Variants in KAT6B observed in about 807,000 individuals in gnomAD.
KAT6B encodes lysine acetyltransferase 6B, also known as histone acetyltransferase KAT6B.
In KAT6B, 10 loss-of-function variants were observed where a neutral mutation model predicts 187.5. That is an observed-to-expected ratio of 0.05 (90% CI 0.03 to 0.09). KAT6B has a LOEUF of 0.09. Among genes scored for constraint, KAT6B ranks in the 10% least tolerant of loss-of-function variants. The probability of loss-of-function intolerance (pLI) is 1.00; values close to 1 mark genes in which losing one functional copy is unlikely to be tolerated. For synonymous variants in KAT6B, 861 were observed against 926.8 expected (o/e 0.93, Z 1.29); for missense variants, 1,952 against 2,558.9 (o/e 0.76, Z 5.12).
chr10:75,029,972 G>A lies in KAT6B; in HGVS notation c.5148G>A (p.Gln1716=), dbSNP rs764369916. 6.2e-7 allele frequency: 1 copy of A among 1,614,056 alleles called. No individual in the cohort carries two copies. The highest frequency in any genetic ancestry group is 8.5e-7 in the Non-Finnish European group (1 of 1,180,042). Residue 1716 remains glutamine, a synonymous_variant, in exon 18 of 18, where the codon CAG becomes CAA. Coordinates refer to ENST00000287239, the MANE Select transcript of KAT6B (RefSeq NM_012330.4). The surrounding 1 kb of genome is among the most constrained non-coding windows in gnomAD (Gnocchi z 6.2). Reference sequence around the variant, plus strand: ...ACCTCACCTCCAGCAGTCTGACACAGAGCAGCTGTGCTGTCACCCAGCAGA... The same window carrying A: ...ACCTCACCTCCAGCAGTCTGACACAAAGCAGCTGTGCTGTCACCCAGCAGA... The part of the protein sequence containing the change: ...YSNLTSSSLT[Q]SSCAVTQQMS...
chr10:74,892,822 G>A (rs968753321), intron 3 of KAT6B, among the ~76,000 whole-genome samples: 2 of 152,194 alleles, frequency 1.3e-5, no homozygotes, highest in Non-Finnish European at 2.9e-5. Context: ...AGTGAGTGTG[G>A]TGTGGCTTTC....
intron 3 of KAT6B, among the ~76,000 whole-genome samples, chr10:74,854,812 A>T (rs866231330): frequency 6.6e-6 from 1 of 152,156 alleles, no homozygotes; most frequent in Non-Finnish European, 1.5e-5. Context: ...TGTCCTTTCT[A>T]TTAGAAACAG....
intron 3 of KAT6B, among the ~76,000 whole-genome samples, chr10:74,888,713 G>A (rs1421271068): frequency 1.3e-5 from 2 of 152,238 alleles, no homozygotes; most frequent in Admixed American, 1.3e-4. Context: ...GTAATTTTGT[G>A]TCTAGTGAAA....
intron 13 of KAT6B, among the ~76,000 whole-genome samples, chr10:74,998,418 A>G (rs1261464682): frequency 1.3e-5 from 2 of 152,122 alleles, no homozygotes; most frequent in Non-Finnish European, 2.9e-5. Flanking sequence ...GATTATAGCA[A>G]TATGGACTCA....
At chr10:74,920,992 G>T (rs1429545156) in intron 3 of KAT6B, among the ~76,000 whole-genome samples, 2 of 151,992 alleles carry the variant, frequency 1.3e-5, no homozygotes, top group Non-Finnish European at 2.9e-5. Context: ...CAAAATTTTG[G>T]TGATGAAAAT....
intron 3 of KAT6B, among the ~76,000 whole-genome samples, chr10:74,952,236 T>C (rs1840366060): frequency 6.6e-6 from 1 of 151,700 alleles, no homozygotes; most frequent in Admixed American, 6.6e-5. Context: ...GCCAGTATAG[T>C]CCCAGCTACT....
At chr10:74,876,947 T>G (rs745693455) in intron 3 of KAT6B, among the ~76,000 whole-genome samples, 6 of 152,128 alleles carry the variant, frequency 3.9e-5, no homozygotes, top group East Asian at 1.9e-4. Context: ...AAAACTTTTT[T>G]TTTGTTTGTT....
At chr10:75,021,813 T>C in intron 15 of KAT6B, 68 bp from the exon 16 acceptor site, 1 of 1,566,608 alleles carries the variant, frequency 6.4e-7, no homozygotes, top group Non-Finnish European at 8.8e-7. Flanking sequence ...ACTTTGCCAT[T>C]GATCCTCAGA....
At chr10:74,959,316 A>T (rs1192253121) in intron 3 of KAT6B, among the ~76,000 whole-genome samples, 1 of 152,206 alleles carries the variant, frequency 6.6e-6, no homozygotes, top group Admixed American at 6.5e-5. Flanking sequence ...TATACATGAT[A>T]TTCATAGACT....
rs1161531161 is a variant in KAT6B at position 74,977,404 on chromosome 10, T to C, written c.2082T>C (p.Asp694=). ...NKDVVTEEDL[D]VFKQAQELSW... is the part of the protein sequence containing the mutation. ...ATGTCGTTACTGAAGAGGATTTGGA[T>C]GTTTTTAAGCAGGCCCAGGAACTTT... The change falls in exon 9 of 18, where the codon GAT becomes GAC. Residue 694 remains aspartate (D), a synonymous_variant. Coordinates refer to ENST00000287239, the MANE Select transcript of KAT6B (RefSeq NM_012330.4). 3.7e-6 allele frequency: 6 copies of C among 1,613,984 alleles called. No homozygotes were observed. The South Asian group carries it at 6.6e-5, about 18-fold the overall frequency.
chr10:74,978,098 C>G (rs993256916), intron 9 of KAT6B, among the ~76,000 whole-genome samples: 3 of 152,208 alleles, frequency 2.0e-5, no homozygotes, highest in African/African-American at 7.2e-5. Context: ...GGTAGACTCC[C>G]TACCCAACCC....
chr10:74,977,452 C>G lies in KAT6B; in HGVS notation c.2115+15C>G. 2 of 1,613,272 alleles carry G rather than the reference C, an allele frequency of 1.2e-6. No individual in the cohort carries two copies. Among genetic ancestry groups the G allele is most frequent in the Non-Finnish European group, 1.7e-6 (2 of 1,179,512 alleles). ...TTTCTTGGGAGGTAAGGCGAGGATC[C>G]CACATTGTAGTAGCAAGTATAAGAT... On this transcript the variant is annotated intron_variant, in intron 9 of 17. Coordinates refer to ENST00000287239, the MANE Select transcript of KAT6B (RefSeq NM_012330.4).
At chr10:74,903,185 T>C (rs1253620809) in intron 3 of KAT6B, among the ~76,000 whole-genome samples, 1 of 152,196 alleles carries the variant, frequency 6.6e-6, no homozygotes, top group Non-Finnish European at 1.5e-5. Context: ...TTCATTACCT[T>C]GTCGGATTGC....
intron 3 of KAT6B, among the ~76,000 whole-genome samples, chr10:74,893,231 G>A (rs1254445884): frequency 6.6e-6 from 1 of 152,206 alleles, no homozygotes; most frequent in Admixed American, 6.5e-5. Flanking sequence ...TTTACAGGCT[G>A]CAGGACTGGA....
chr10:75,030,336 G>T lies in KAT6B; in HGVS notation c.5512G>T (p.Ala1838Ser), dbSNP rs143804810. ...IDHSLPYSHS[A>S]AVTSYANSAS... ...TCATTCATTGCCTTACAGCCATTCC[G>T]CTGCTGTGACTTCCTATGCAAACAG... Residue 1838 changes from alanine to serine, a missense_variant, in exon 18 of 18, where the codon GCT (alanine) becomes TCT (serine). Ala to Ser is a moderately conservative substitution (Grantham distance 99). This residue lies in a region of KAT6B where 358 missense variants were observed against 436.3 expected (regional missense o/e 0.82). Coordinates refer to ENST00000287239, the MANE Select transcript of KAT6B (RefSeq NM_012330.4). This position sits in a 1 kb window ranked among gnomAD's most constrained non-coding sequence, Gnocchi z 4.8. 1 of 1,614,166 alleles carries T rather than the reference G, an allele frequency of 6.2e-7. No individual in the cohort carries two copies. The highest frequency in any genetic ancestry group is 1.3e-5 in the African/African-American group (1 of 75,018).
intron 4 of KAT6B, among the ~76,000 whole-genome samples, chr10:74,962,060 T>TGGGATCC (rs764006957): frequency 2.1e-4 from 32 of 152,318 alleles, no homozygotes; most frequent in Admixed American, 5.9e-4. Context: ...GACTCTGCGA[T>TGGGATCC]GGGATCCGGC....
chr10:74,903,317 A>G (rs1342568310), intron 3 of KAT6B, among the ~76,000 whole-genome samples: 1 of 152,208 alleles, frequency 6.6e-6, no homozygotes, highest in Non-Finnish European at 1.5e-5. Context: ...CCATGATTCT[A>G]CTACCTTGCT....
chr10:74,995,537 C>T (rs1251029518), intron 13 of KAT6B, among the ~76,000 whole-genome samples: 1 of 152,104 alleles, frequency 6.6e-6, no homozygotes. Flanking sequence ...TCTTTGTGTA[C>T]AAATGAGCAG....
At chr10:74,948,764 G>C (rs1290044819) in intron 3 of KAT6B, among the ~76,000 whole-genome samples, 1 of 152,130 alleles carries the variant, frequency 6.6e-6, no homozygotes, top group Non-Finnish European at 1.5e-5. Flanking sequence ...TTTAATCTAT[G>C]CATTACTATT....
Sources: allele counts gnomAD v4.1 joint callset (sites outside exome capture counted in the v4.1 genomes callset), GRCh38; gene constraint gnomAD v4.1.1; regional missense constraint gnomAD v4.1.1; non-coding constraint Gnocchi (gnomAD v3.1); transcripts MANE v1.5; gene names NCBI Gene and HGNC (gene_info 2026-07-23, HGNC 2026-07-21).